The following GALNTL6 variants were observed in gnomAD, a reference collection of about 807,000 sequenced individuals.
The protein encoded by GALNTL6 is polypeptide N-acetylgalactosaminyltransferase-like 6.
In GALNTL6, 46 loss-of-function variants were observed where a neutral mutation model predicts 73.7. The observed-to-expected ratio is 0.62, with a 90% CI of 0.49 to 0.80. GALNTL6 has a LOEUF of 0.80. GALNTL6 is among the 30% of genes least tolerant of loss of function. The pLI is 0.00. For missense variants in GALNTL6, 604 were observed against 755.0 expected (o/e 0.80, Z 2.34); for synonymous variants, 259 against 263.7 (o/e 0.98, Z 0.17).
chr4:172,944,505 A>G (rs1022982558), intron 9 of GALNTL6, among the ~76,000 whole-genome samples: 5 of 152,242 alleles, frequency 3.3e-5, no homozygotes, highest in African/African-American at 1.2e-4. Flanking sequence ...ATACAATGCT[A>G]ATGGGAATGT....
intron 5 of GALNTL6, among the ~76,000 whole-genome samples, chr4:172,745,903 T>C (rs1737084645): frequency 6.6e-6 from 1 of 152,116 alleles, no homozygotes; most frequent in East Asian, 1.9e-4. Context: ...ATGTGAGCTA[T>C]GGAGTGTGGC....
intron 8 of GALNTL6, among the ~76,000 whole-genome samples, chr4:172,896,763 A>T (rs901460376): frequency 1.3e-5 from 2 of 152,176 alleles, no homozygotes; most frequent in African/African-American, 4.8e-5. Context: ...ATTTGGCATC[A>T]GAGACTGGAA....
intron 3 of GALNTL6, among the ~76,000 whole-genome samples, chr4:172,253,231 T>C (rs1484696796): frequency 6.6e-6 from 1 of 151,662 alleles, no homozygotes; most frequent in Non-Finnish European, 1.5e-5. Flanking sequence ...TTTGGAAAAA[T>C]GAAGAAATCA....
intron 3 of GALNTL6, among the ~76,000 whole-genome samples, chr4:172,237,222 G>T (rs904064402): frequency 4.6e-5 from 7 of 152,124 alleles, no homozygotes; most frequent in African/African-American, 1.7e-4. Flanking sequence ...ATTCCTTTGG[G>T]TGTATACCCA....
chr4:172,858,730 A>G (rs553868204), intron 7 of GALNTL6, among the ~76,000 whole-genome samples: 1 of 152,276 alleles, frequency 6.6e-6, no homozygotes, highest in South Asian at 2.1e-4. Flanking sequence ...CTGCTCATAC[A>G]CATGGTACCT....
At chr4:172,277,211 A>T (rs1738863228) in intron 3 of GALNTL6, among the ~76,000 whole-genome samples, 1 of 152,054 alleles carries the variant, frequency 6.6e-6, no homozygotes, top group Non-Finnish European at 1.5e-5. Context: ...CTCAGTGAGG[A>T]GTGGAAGAAG....
intron 12 of GALNTL6, among the ~76,000 whole-genome samples, chr4:173,026,703 TG>T (rs1297876359): frequency 6.6e-6 from 1 of 152,240 alleles, no homozygotes; most frequent in Non-Finnish European, 1.5e-5. Flanking sequence ...TTTCAAAACA[TG>T]GGCTGTCTGG....
chr4:172,961,673 T>C (rs374893184), intron 10 of GALNTL6, among the ~76,000 whole-genome samples: 1 of 152,058 alleles, frequency 6.6e-6, no homozygotes, highest in Non-Finnish European at 1.5e-5. Flanking sequence ...GATTGAAAGA[T>C]GGTGCCAAGA....
intron 2 of GALNTL6, among the ~76,000 whole-genome samples, chr4:171,959,473 T>C (rs1029550192): frequency 1.3e-5 from 2 of 152,224 alleles, no homozygotes; most frequent in African/African-American, 2.4e-5. Context: ...ATTAGAGTTA[T>C]ACCAATTTTA....
At position 172,965,656 on chromosome 4, in the gene GALNTL6, C is replaced by T. The variant is rs146843963; in HGVS notation, c.1371+13398C>T. On this transcript the variant is annotated intron_variant, in intron 10 of 12. Coordinates refer to ENST00000506823, the MANE Select transcript of GALNTL6 (RefSeq NM_001034845.3). ...ACAATTTTAATTCCACATTCCCAGACGAGCAAATTGGACATCTTAGTGCCC... is the reference window on the plus strand; with the variant it reads ...ACAATTTTAATTCCACATTCCCAGATGAGCAAATTGGACATCTTAGTGCCC... Among the ~76,000 whole-genome samples the T allele has an allele frequency of 8.6e-5, 13 of 150,326 alleles. No individual in the cohort carries two copies. In the East Asian group the frequency reaches 1.2e-3, roughly 14 times the overall value.
chr4:172,000,375 C>T (rs1185939582), intron 2 of GALNTL6, among the ~76,000 whole-genome samples: 3 of 152,154 alleles, frequency 2.0e-5, no homozygotes, highest in Non-Finnish European at 4.4e-5. Flanking sequence ...CCTCTGAGGA[C>T]TGCAGAACAT....
At chr4:171,986,196 G>A (rs561460669) in intron 2 of GALNTL6, among the ~76,000 whole-genome samples, 162 of 152,046 alleles carry the variant, frequency 1.1e-3, no homozygotes, top group African/African-American at 3.6e-3. Context: ...GGCTGAGTCC[G>A]AAAAGAGAGT....
intron 4 of GALNTL6, among the ~76,000 whole-genome samples, chr4:172,322,863 G>A (rs1041167914): frequency 1.3e-5 from 2 of 151,934 alleles, no homozygotes; most frequent in African/African-American, 4.8e-5. Flanking sequence ...AAAGAATGAA[G>A]AAAAATAAAC....
intron 2 of GALNTL6, among the ~76,000 whole-genome samples, chr4:171,927,293 T>C (rs1478790840): frequency 7.9e-5 from 12 of 152,122 alleles, no homozygotes; most frequent in Non-Finnish European, 1.6e-4. Context: ...TTTACTTTTC[T>C]TTTTTTGTTT....
intron 5 of GALNTL6, among the ~76,000 whole-genome samples, chr4:172,374,221 T>C (rs1742939201): frequency 6.6e-6 from 1 of 152,230 alleles, no homozygotes; most frequent in Non-Finnish European, 1.5e-5. Flanking sequence ...CTGTCCTCTC[T>C]GAACCACCAA....
At chr4:172,346,729 A>C (rs1741753411) in intron 4 of GALNTL6, among the ~76,000 whole-genome samples, 1 of 152,172 alleles carries the variant, frequency 6.6e-6, no homozygotes, top group Non-Finnish European at 1.5e-5. Context: ...CCTATATCAA[A>C]CCTTCAGTAA....
chr4:172,830,374 G>T (rs1482324546), intron 7 of GALNTL6, among the ~76,000 whole-genome samples: 4 of 152,216 alleles, frequency 2.6e-5, no homozygotes, highest in African/African-American at 9.6e-5. Context: ...GCTATTGCTT[G>T]TGATGCTGAA....
chr4:172,226,467 T>C (rs1207639314), intron 2 of GALNTL6, among the ~76,000 whole-genome samples: 1 of 152,210 alleles, frequency 6.6e-6, no homozygotes, highest in Non-Finnish European at 1.5e-5. Flanking sequence ...TTTCATTTGC[T>C]TAGTTTTTAA....
At chr4:172,219,719 T>C (rs1736612025) in intron 2 of GALNTL6, among the ~76,000 whole-genome samples, 2 of 151,958 alleles carry the variant, frequency 1.3e-5, no homozygotes, top group Admixed American at 1.3e-4. Context: ...TAAGTGCTTT[T>C]TCTTCTAGTT....
Sources: allele counts gnomAD v4.1 joint callset (sites outside exome capture counted in the v4.1 genomes callset), GRCh38; gene constraint gnomAD v4.1.1; transcripts MANE v1.5; gene names NCBI Gene and HGNC (gene_info 2026-07-23, HGNC 2026-07-21).